The following PPP6R3 variants were observed in gnomAD, a reference collection of about 807,000 sequenced individuals.
PPP6R3 encodes the protein serine/threonine-protein phosphatase 6 regulatory subunit 3.
In PPP6R3, 38 loss-of-function variants were observed where a neutral mutation model predicts 110.7. The observed-to-expected ratio is 0.34, with a 90% CI of 0.26 to 0.45. The LOEUF is 0.45. PPP6R3 is among the 20% of genes least tolerant of loss of function. PPP6R3 has a pLI of 1.00. For synonymous variants in PPP6R3, 369 were observed against 373.5 expected (o/e 0.99, Z 0.14); for missense variants, 870 against 1,062.4 (o/e 0.82, Z 2.52).
chr11:68,556,351 T>C (rs775133020), intron 7 of PPP6R3, among the ~76,000 whole-genome samples: 12 of 152,156 alleles, frequency 7.9e-5, no homozygotes, highest in Non-Finnish European at 1.8e-4. Context: ...TGGGAAGCAA[T>C]CTGGGCTTAA....
chr11:68,494,386 C>T (rs1158591442), intron 1 of PPP6R3, among the ~76,000 whole-genome samples: 12 of 87,568 alleles, frequency 1.4e-4, no homozygotes, highest in East Asian at 1.0e-3. Flanking sequence ...TAGCTAGGTG[C>T]GGTGGGACAC....
At chr11:68,505,172 G>A (rs1416617835) in intron 1 of PPP6R3, 1 of 152,176 alleles carries the variant, frequency 6.6e-6, no homozygotes, top group Non-Finnish European at 1.5e-5. Flanking sequence ...GAGAGATGTG[G>A]TGACTTGCTC....
chr11:68,467,062 C>T (rs2098753610), intron 1 of PPP6R3, among the ~76,000 whole-genome samples: 1 of 152,266 alleles, frequency 6.6e-6, no homozygotes, highest in African/African-American at 2.4e-5. Flanking sequence ...ATTGTCATGT[C>T]ACAGACTGGG....
chr11:68,582,531 AG>A (rs1261840987), intron 14 of PPP6R3, among the ~76,000 whole-genome samples: 2 of 152,218 alleles, frequency 1.3e-5, no homozygotes, highest in African/African-American at 2.4e-5. Context: ...AGTCACATTT[AG>A]TACTACTAGA....
chr11:68,533,674 C>T (rs564740717), intron 2 of PPP6R3, among the ~76,000 whole-genome samples: 1 of 135,346 alleles, frequency 7.4e-6, no homozygotes, highest in Non-Finnish European at 1.5e-5. Flanking sequence ...CACTGCACAC[C>T]AGCCTGGGTG....
chr11:68,613,907 T>G lies in PPP6R3; in HGVS notation c.*790T>G. The G allele has an allele frequency of 1.0e-6, 1 of 985,148 alleles. No individual in the cohort carries two copies. Among genetic ancestry groups the G allele is most frequent in the Non-Finnish European group, 1.2e-6 (1 of 829,404 alleles). The allele number at this position is 985,148 out of a possible 1,614,324, so 61.0% of individuals were successfully genotyped here. On this transcript the variant is annotated 3_prime_UTR_variant, in exon 24 of 24. Transcript: ENST00000393800. ...TGGCTTGTGTTTTGGGATTTTTTTT[T>G]TTTTTTTTTGGCTTTTGTTTTTGTT... is the stretch of plus-strand genomic sequence containing the variant.
intron 1 of PPP6R3, among the ~76,000 whole-genome samples, chr11:68,500,725 C>T (rs1188918782): frequency 6.6e-6 from 1 of 152,206 alleles, no homozygotes; most frequent in Non-Finnish European, 1.5e-5. Context: ...ATCTGCCTGC[C>T]TTGGCCACCC....
At chr11:68,507,773 CCTGT>C (rs1346821401) in intron 1 of PPP6R3, among the ~76,000 whole-genome samples, 28 of 152,224 alleles carry the variant, frequency 1.8e-4, no homozygotes, top group African/African-American at 5.8e-4. Flanking sequence ...TGATATACCA[CCTGT>C]CTGTCTAATG....
chr11:68,591,773 T>C, intron 18 of PPP6R3, 67 bp downstream of exon 18: 1 of 1,488,646 alleles, frequency 6.7e-7, no homozygotes, highest in Non-Finnish European at 9.0e-7. Flanking sequence ...TCATGAGACA[T>C]ACATTGTGTC....
chr11:68,572,158 T>G (rs1385593560), intron 12 of PPP6R3, among the ~76,000 whole-genome samples: 1 of 152,194 alleles, frequency 6.6e-6, no homozygotes, highest in African/African-American at 2.4e-5. Context: ...TGGAGCTCTT[T>G]GGAGATGCTG....
Position 68,567,130 on chromosome 11 carries a change from G to A in PPP6R3, c.1092G>A (p.Gly364=). Residue 364 remains glycine (G), a synonymous_variant, in exon 10 of 24, where the codon GGG becomes GGA. Coordinates refer to ENST00000393800, the MANE Select transcript of PPP6R3 (RefSeq NM_001164161.2). ...LLQTNTSSIN[G]DLMELNSIGV... is the part of the protein sequence containing the mutation. ...AAACCAATACCAGCAGTATAAATGGGGACCTTATGGAGCTGAATAGCATTG... is the reference window on the plus strand; with the variant it reads ...AAACCAATACCAGCAGTATAAATGGAGACCTTATGGAGCTGAATAGCATTG... The A allele has an allele frequency of 6.4e-7, 1 of 1,550,612 alleles. No homozygotes were observed. Among genetic ancestry groups the A allele is most frequent in the Non-Finnish European group, 8.7e-7 (1 of 1,146,568 alleles).
chr11:68,593,778 G>A (rs2099602840), intron 18 of PPP6R3, among the ~76,000 whole-genome samples: 1 of 152,182 alleles, frequency 6.6e-6, no homozygotes, highest in South Asian at 2.1e-4. Context: ...CAGCACTTTG[G>A]TTGGCCAAGG....
At chr11:68,509,911 G>C (rs374916962) in intron 1 of PPP6R3, among the ~76,000 whole-genome samples, 1 of 150,908 alleles carries the variant, frequency 6.6e-6, no homozygotes, top group Admixed American at 6.6e-5. Context: ...CACCACACTC[G>C]GCAAATTTTT....
intron 1 of PPP6R3, among the ~76,000 whole-genome samples, chr11:68,501,939 C>T (rs1032775000): frequency 6.6e-6 from 1 of 152,148 alleles, no homozygotes; most frequent in Non-Finnish European, 1.5e-5. Context: ...AGAACTGAAC[C>T]AGTTTTGTCT....
At chr11:68,609,634 T>C in intron 22 of PPP6R3, 2 of 1,552,960 alleles carry the variant, frequency 1.3e-6, no homozygotes, top group Non-Finnish European at 1.7e-6. Context: ...TATCGGTATG[T>C]ACAGTGTTAT....
chr11:68,497,213 A>ATT (rs56963664), intron 1 of PPP6R3, among the ~76,000 whole-genome samples: 44,796 of 141,216 alleles, frequency 0.32, 7,855 homozygotes, highest in African/African-American at 0.46. Flanking sequence ...CGCCCGGCTA[A>ATT]TTTTTTTTTT....
Position 68,591,619 on chromosome 11 carries a change from A to G in PPP6R3, c.1829A>G (p.Gln610Arg). 1 of 1,612,880 alleles carries G rather than the reference A, an allele frequency of 6.2e-7. No individual in the cohort carries two copies. Among genetic ancestry groups the G allele is most frequent in the Non-Finnish European group, 8.5e-7 (1 of 1,179,446 alleles). ...LFEACCKERI[Q>R]QFDDGGSDEE... ...GAAGCATGTTGTAAGGAAAGAATACAACAGTTTGATGATGGTGGCTCTGAT... is the reference window on the plus strand; with the variant it reads ...GAAGCATGTTGTAAGGAAAGAATACGACAGTTTGATGATGGTGGCTCTGAT... Residue 610 changes from glutamine to arginine, a missense_variant, in exon 18 of 24, where the codon CAA becomes CGA. Coordinates refer to ENST00000393800, the MANE Select transcript of PPP6R3 (RefSeq NM_001164161.2).
chr11:68,494,026 C>T (rs1480913810), intron 1 of PPP6R3, among the ~76,000 whole-genome samples: 1 of 150,684 alleles, frequency 6.6e-6, no homozygotes, highest in African/African-American at 2.4e-5. Flanking sequence ...TGGCGTGAAC[C>T]CGGGAGGAGG....
intron 1 of PPP6R3, among the ~76,000 whole-genome samples, chr11:68,492,672 CT>C (rs565210637): frequency 1.2e-3 from 179 of 152,252 alleles, no homozygotes; most frequent in Non-Finnish European, 5.9e-5. Context: ...TCTCATTCTA[CT>C]TTTTTGAGGA....
Sources: allele counts gnomAD v4.1 joint callset (sites outside exome capture counted in the v4.1 genomes callset), GRCh38; gene constraint gnomAD v4.1.1; transcripts MANE v1.5; gene names NCBI Gene and HGNC (gene_info 2026-07-23, HGNC 2026-07-21).